The following FNDC1 variants were observed in gnomAD, a reference collection of about 807,000 sequenced individuals.
FNDC1 encodes the protein fibronectin type III domain containing 1, also known as fibronectin type III domain-containing protein 1.
Under a neutral mutation model 168.0 loss-of-function variants are expected in FNDC1, and 96 were observed. That is an observed-to-expected ratio of 0.57 (90% CI 0.48 to 0.68). The LOEUF is 0.68. Among genes scored for constraint, FNDC1 ranks in the 30% least tolerant of loss-of-function variants. FNDC1 has a pLI of 0.00. For missense variants in FNDC1, 2,587 were observed against 2,482.1 expected (o/e 1.04, Z -0.90); for synonymous variants, 1,099 against 1,025.9 (o/e 1.07, Z -1.36).
At chr6:159,251,194 A>G (rs1310294512) in intron 16 of FNDC1, 108 bp from the exon 17 acceptor site, 2 of 795,070 alleles carry the variant, frequency 2.5e-6, no homozygotes, top group African/African-American at 1.7e-5. Context: ...GCCTCCGTCC[A>G]GCAGGAAGAG....
intron 1 of FNDC1, among the ~76,000 whole-genome samples, chr6:159,187,413 T>C (rs980754431): frequency 6.6e-6 from 1 of 152,228 alleles, no homozygotes; most frequent in African/African-American, 2.4e-5. Flanking sequence ...TAGTGTGTTT[T>C]ATAATAAGTT....
At chr6:159,186,240 A>G (rs190884128) in intron 1 of FNDC1, among the ~76,000 whole-genome samples, 363 of 152,270 alleles carry the variant, frequency 2.4e-3, no homozygotes, top group African/African-American at 8.2e-3. Flanking sequence ...TAAAGTAGGA[A>G]GATAATGAAA....
Position 159,271,418 on chromosome 6 carries a change from G to T in FNDC1, c.5661G>T (p.Gly1887=), listed in dbSNP as rs1323952777. 1.2e-6 allele frequency: 2 copies of T among 1,610,696 alleles called. No individual in the cohort carries two copies. The highest frequency in any genetic ancestry group is 2.7e-5 in the African/African-American group (2 of 74,952). ...ACTATGTGGGCTGGTACGAGTGTGG[G>T]GTCTCCATCCCTGGAAAGTGGTAAT... ...PYYYVGWYEC[G]VSIPGKW Residue 1887 remains glycine, a synonymous_variant, in exon 23 of 23, where the codon GGG becomes GGT. Transcript: ENST00000297267.
intron 1 of FNDC1, among the ~76,000 whole-genome samples, chr6:159,184,682 T>C (rs991883054): frequency 7.9e-5 from 12 of 152,216 alleles, no homozygotes; most frequent in African/African-American, 2.9e-4. Context: ...CCCAAGTGTT[T>C]AACATAGTTA....
chr6:159,269,324 ACTATCTAT>A (rs534803404), intron 22 of FNDC1, among the ~76,000 whole-genome samples: 1 of 40,406 alleles, frequency 2.5e-5, no homozygotes, highest in Non-Finnish European at 6.4e-5. Context: ...TATTTATCTA[ACTATCTAT>A]CTATCTATCT....
intron 22 of FNDC1, among the ~76,000 whole-genome samples, chr6:159,269,503 C>CTATCT (rs1562316105): frequency 2.8e-4 from 30 of 108,378 alleles, no homozygotes; most frequent in Admixed American, 5.7e-4. Context: ...TCTATCTATC[C>CTATCT]ATCCATCCAT....
At chr6:159,260,809 C>T (rs996102941) in intron 18 of FNDC1, among the ~76,000 whole-genome samples, 6 of 152,302 alleles carry the variant, frequency 3.9e-5, no homozygotes, top group East Asian at 1.9e-4. Context: ...GGGACTGAAG[C>T]GGAGTCCAGA....
chr6:159,221,657 C>G lies in FNDC1; in HGVS notation c.727C>G (p.Pro243Ala), dbSNP rs1782827560. ...CATGAACTCTCAGGGCCGGAGCCAA[C>G]CAGTCTACAGGGCTGCCCTAACAAA... ...QSMNSQGRSQ[P>A]VYRAALTKRK... The change falls in exon 6 of 23, where the codon CCA (proline) becomes GCA (alanine). Residue 243 changes from proline to alanine, a missense_variant. Pro to Ala is a conservative substitution (Grantham distance 27). Transcript: ENST00000297267. 6.2e-7 allele frequency: 1 copy of G among 1,614,036 alleles called. No individual in the cohort carries two copies. Among genetic ancestry groups the G allele is most frequent in the Non-Finnish European group, 8.5e-7 (1 of 1,179,886 alleles).
At chr6:159,177,893 G>C (rs1313901969) in intron 1 of FNDC1, among the ~76,000 whole-genome samples, 1 of 152,096 alleles carries the variant, frequency 6.6e-6, no homozygotes, top group South Asian at 2.1e-4. Flanking sequence ...CATAAAGGTC[G>C]GTGGTTTGGA....
intron 4 of FNDC1, among the ~76,000 whole-genome samples, chr6:159,211,001 C>T (rs1196007147): frequency 6.6e-6 from 1 of 152,192 alleles, no homozygotes; most frequent in Non-Finnish European, 1.5e-5. Context: ...GCTTCTGGTT[C>T]ACACTGAACT....
chr6:159,240,448 T>A (rs1783394041), intron 14 of FNDC1, among the ~76,000 whole-genome samples: 1 of 152,226 alleles, frequency 6.6e-6, no homozygotes, highest in African/African-American at 2.4e-5. Context: ...GATCACTGAA[T>A]AGTCTTGTTG....
intron 20 of FNDC1, among the ~76,000 whole-genome samples, chr6:159,265,652 G>A (rs181984645): frequency 1.8e-4 from 28 of 152,306 alleles, no homozygotes; most frequent in African/African-American, 6.3e-4. Context: ...CTGCAAGGCC[G>A]GGCGCGGTGG....
At chr6:159,185,235 T>C (rs1305849391) in intron 1 of FNDC1, among the ~76,000 whole-genome samples, 1 of 152,202 alleles carries the variant, frequency 6.6e-6, no homozygotes, top group Non-Finnish European at 1.5e-5. Flanking sequence ...TCTGGGCAGA[T>C]GTAATTACTC....
chr6:159,187,760 A>G (rs1782033556), intron 1 of FNDC1, among the ~76,000 whole-genome samples: 1 of 152,250 alleles, frequency 6.6e-6, no homozygotes, highest in African/African-American at 2.4e-5. Flanking sequence ...AAAAATATTT[A>G]AAATTTGGTC....
Position 159,215,023 on chromosome 6 carries a change from C to T in FNDC1, c.539C>T (p.Pro180Leu), listed in dbSNP as rs746936257. Residue 180 changes from proline (P) to leucine (L), a missense_variant, in exon 5 of 23, where the codon CCA (proline) becomes CTA (leucine). Physicochemically the swap from Pro to Leu is moderately conservative, Grantham distance 98. Coordinates refer to ENST00000297267, the MANE Select transcript of FNDC1 (RefSeq NM_032532.3). ...DDRLSVAWKA[P>L]RLSGAKSPRR... ...AGGCTGTCCGTTGCGTGGAAGGCAC[C>T]ACGCCTGTCTGGAGCCAAGAGTCCA... 12 of 1,613,972 alleles carry T rather than the reference C, an allele frequency of 7.4e-6. No homozygotes were observed. The South Asian group carries it at 1.1e-4, about 15-fold the overall frequency.
intron 14 of FNDC1, among the ~76,000 whole-genome samples, chr6:159,246,262 C>G (rs1162456871): frequency 1.3e-5 from 2 of 152,154 alleles, no homozygotes; most frequent in East Asian, 3.9e-4. Flanking sequence ...GATTTATCTC[C>G]TGAGTCAGTG....
Position 159,197,427 on chromosome 6 carries a change from A to G in FNDC1, c.110-4A>G. On this transcript the variant is annotated splice_region_variant and splice_polypyrimidine_tract_variant and intron_variant, in intron 1 of 22. Coordinates refer to ENST00000297267, the MANE Select transcript of FNDC1 (RefSeq NM_032532.3). ...ATGAGTTGATAGTTGCGCTGTTTAC[A>G]TAGTTGACCACCCACTGAAGCCAAG... is the stretch of plus-strand genomic sequence containing the variant. The G allele has an allele frequency of 2.5e-6, 4 of 1,608,588 alleles. No homozygotes were observed. Among genetic ancestry groups the G allele is most frequent in the South Asian group, 1.1e-5 (1 of 90,086 alleles).
Position 159,169,797 on chromosome 6 carries a change from G to A in FNDC1, c.109+92G>A. The A allele has an allele frequency of 2.5e-6, 1 of 404,830 alleles. No individual in the cohort carries two copies. The highest frequency in any genetic ancestry group is 3.6e-6 in the Non-Finnish European group (1 of 276,930). 25.1% of individuals were successfully genotyped at this position (404,830 alleles called of 1,614,324 possible). A position where few individuals can be genotyped will look rare whatever the true frequency, so the allele number is the denominator to read the frequency against. ...GTCGTCCCGCTCAGTGCTGGCTACG[G>A]GTCGTGTCACTAGCCTGTGCGTCCT... On this transcript the variant is annotated intron_variant, in intron 1 of 22. Transcript: ENST00000297267. The surrounding 1 kb of genome is among the most constrained non-coding windows in gnomAD (Gnocchi z 6.8).
At chr6:159,220,428 C>T (rs448583) in intron 5 of FNDC1, among the ~76,000 whole-genome samples, 70,274 of 151,980 alleles carry the variant, frequency 0.46, 17,766 homozygotes, top group African/African-American at 0.66. Context: ...TAGGCCAGAT[C>T]GCCTCATTTT....
Sources: gnomAD v4.1 joint callset for allele counts (sites outside exome capture counted in the v4.1 genomes callset) on GRCh38, gnomAD v4.1.1 for gene constraint, Gnocchi (gnomAD v3.1) non-coding constraint, MANE v1.5 for transcripts, NCBI Gene and HGNC (gene_info 2026-07-23, HGNC 2026-07-21) for gene names.